The following RFT1 variants were observed in gnomAD, a reference collection of about 807,000 sequenced individuals.
RFT1 encodes the protein man(5)GlcNAc(2)-PP-dolichol translocation protein RFT1.
Under a neutral mutation model 62.2 loss-of-function variants are expected in RFT1, and 43 were observed. The observed-to-expected ratio is 0.69, with a 90% CI of 0.54 to 0.89. The LOEUF (loss-of-function observed/expected upper bound fraction) is 0.89, where lower values mean the gene tolerates loss of function less well. Ranked by LOEUF, RFT1 falls within the 40% of genes least tolerant of loss-of-function variation. The pLI, the probability that RFT1 is intolerant of heterozygous loss-of-function variation, is 0.00. For missense variants in RFT1, 605 were observed against 649.9 expected (o/e 0.93, Z 0.75); for synonymous variants, 262 against 264.6 (o/e 0.99, Z 0.10).
intron 11 of RFT1, among the ~76,000 whole-genome samples, chr3:53,095,725 TAAAAA>T (rs5848975): frequency 1.4e-5 from 2 of 146,390 alleles, no homozygotes; most frequent in Non-Finnish European, 3.0e-5. Flanking sequence ...CAAAAAAAGT[TAAAAA>T]AAAAAAAAAG....
chr3:53,088,251 A>G (rs956715170), downstream of RFT1, among the ~76,000 whole-genome samples: 1 of 152,168 alleles, frequency 6.6e-6, no homozygotes, highest in African/African-American at 2.4e-5. Context: ...TGGGGAGAGG[A>G]GCAAAGGAGA....
chr3:53,070,953 A>G, the RFT1 span, among the ~76,000 whole-genome samples: 1 of 151,828 alleles, frequency 6.6e-6, no homozygotes, highest in Non-Finnish European at 1.5e-5. Context: ...GCTGGTCTAG[A>G]ACTCCTGATT....
downstream of RFT1, among the ~76,000 whole-genome samples, chr3:53,088,066 T>G (rs1344394444): frequency 6.6e-6 from 1 of 151,988 alleles, no homozygotes; most frequent in Non-Finnish European, 1.5e-5. Flanking sequence ...GATATTAGAG[T>G]GAAGGGGCTG....
At chr3:53,080,930 C>A in the RFT1 span, among the ~76,000 whole-genome samples, 1 of 152,208 alleles carries the variant, frequency 6.6e-6, no homozygotes, top group South Asian at 2.1e-4. Context: ...CCTGGCCCCA[C>A]CACACACACC....
At chr3:53,124,290 C>T (rs1373848976) in intron 2 of RFT1, among the ~76,000 whole-genome samples, 1 of 152,206 alleles carries the variant, frequency 6.6e-6, no homozygotes, top group Non-Finnish European at 1.5e-5. Context: ...GGCTGGCAAC[C>T]ATTACAGAGG....
chr3:53,127,465 G>T (rs1420938578), intron 1 of RFT1, among the ~76,000 whole-genome samples: 1 of 152,162 alleles, frequency 6.6e-6, no homozygotes, highest in African/African-American at 2.4e-5. Context: ...ACTTTGGAAG[G>T]CCGAGGCTGG....
At chr3:53,110,262 T>G (rs909025308) in intron 7 of RFT1, among the ~76,000 whole-genome samples, 1 of 152,240 alleles carries the variant, frequency 6.6e-6, no homozygotes, top group African/African-American at 2.4e-5. Context: ...TTTCCTGTTC[T>G]TACAACAATG....
chr3:53,108,458 C>T (rs774285796), intron 7 of RFT1, among the ~76,000 whole-genome samples: 1 of 148,422 alleles, frequency 6.7e-6, no homozygotes, highest in Non-Finnish European at 1.5e-5. Flanking sequence ...GGCACGATCT[C>T]GTTCACTGCA....
At chr3:53,092,642 G>T (rs754940113) in intron 11 of RFT1, 24 bp from the exon 12 acceptor site, 2 of 1,605,638 alleles carry the variant, frequency 1.2e-6, no homozygotes, top group Non-Finnish European at 1.7e-6. Context: ...AGGAAAAGGA[G>T]GGCAGTGGTG....
chr3:53,082,091 G>A, the RFT1 span, among the ~76,000 whole-genome samples: 1 of 152,040 alleles, frequency 6.6e-6, no homozygotes, highest in Non-Finnish European at 1.5e-5. Context: ...CCACAGGCGA[G>A]AGCCACCACG....
At chr3:53,076,340 T>A in the RFT1 span, among the ~76,000 whole-genome samples, 2 of 152,224 alleles carry the variant, frequency 1.3e-5, no homozygotes, top group Non-Finnish European at 2.9e-5. Flanking sequence ...GAGGGGTTCC[T>A]GGAGCAATGT....
chr3:53,084,069 G>A (rs1348591620), downstream of RFT1, among the ~76,000 whole-genome samples: 1 of 152,254 alleles, frequency 6.6e-6, no homozygotes, highest in Non-Finnish European at 1.5e-5. Context: ...GCAATGTCTT[G>A]ATTCTCTGGG....
At chr3:53,125,107 A>G (rs1360557638) in intron 2 of RFT1, among the ~76,000 whole-genome samples, 1 of 152,210 alleles carries the variant, frequency 6.6e-6, no homozygotes, top group Non-Finnish European at 1.5e-5. Context: ...AGCACTATGT[A>G]GTGCAAAACT....
chr3:53,102,101 G>A (rs544992692), intron 10 of RFT1, among the ~76,000 whole-genome samples: 26 of 152,160 alleles, frequency 1.7e-4, no homozygotes, highest in Admixed American at 4.6e-4. Flanking sequence ...AGATGATGAC[G>A]TGAAGAGCGC....
At chr3:53,111,254 A>C (rs1701640576) in intron 7 of RFT1, among the ~76,000 whole-genome samples, 1 of 152,074 alleles carries the variant, frequency 6.6e-6, no homozygotes, top group Non-Finnish European at 1.5e-5. Flanking sequence ...AAATACAAAA[A>C]AATTAGCTGG....
chr3:53,115,703 A>C (rs1392519038), intron 6 of RFT1, among the ~76,000 whole-genome samples: 2 of 152,176 alleles, frequency 1.3e-5, no homozygotes, highest in East Asian at 3.9e-4. Context: ...ACACATATAC[A>C]TTTAACCTCT....
At chr3:53,067,058 T>C in the RFT1 span, among the ~76,000 whole-genome samples, 3 of 152,240 alleles carry the variant, frequency 2.0e-5, no homozygotes, top group Admixed American at 6.5e-5. Flanking sequence ...CTGGGCGCAG[T>C]GGCTCACGCC....
the RFT1 span, among the ~76,000 whole-genome samples, chr3:53,079,600 G>A: frequency 6.6e-6 from 1 of 152,156 alleles, no homozygotes; most frequent in Non-Finnish European, 1.5e-5. Context: ...TGGGCATGGT[G>A]GTGGGCGCCT....
intron 4 of RFT1, 62 bp from the exon 5 acceptor site, chr3:53,121,862 A>T: frequency 7.3e-7 from 1 of 1,370,448 alleles, no homozygotes; most frequent in Middle Eastern, 1.8e-4. Flanking sequence ...ATGTAATGGA[A>T]TGATAGACAG....
Sources: gnomAD v4.1 joint callset for allele counts (sites outside exome capture counted in the v4.1 genomes callset) on GRCh38, gnomAD v4.1.1 for gene constraint, MANE v1.5 for transcripts, NCBI Gene and HGNC (gene_info 2026-07-23, HGNC 2026-07-21) for gene names.